DNAH7: variants seen among roughly 807,000 people sequenced by gnomAD.
DNAH7 encodes the protein axonemal beta dynein heavy chain 7.
Under a neutral mutation model 444.6 loss-of-function variants are expected in DNAH7, and 397 were observed. That is an observed-to-expected ratio of 0.89 (90% CI 0.82 to 0.97). The LOEUF (loss-of-function observed/expected upper bound fraction) is 0.97, where lower values mean the gene tolerates loss of function less well. DNAH7 is among the 50% of genes least tolerant of loss of function. The pLI is 0.00. For synonymous variants in DNAH7, 1,636 were observed against 1,624.4 expected (o/e 1.01, Z -0.17); for missense variants, 4,902 against 4,800.8 (o/e 1.02, Z -0.62).
intron 47 of DNAH7, among the ~76,000 whole-genome samples, chr2:195,842,673 G>A (rs201730179): frequency 2.6e-5 from 4 of 152,254 alleles, no homozygotes; most frequent in East Asian, 3.9e-4. Flanking sequence ...TAGTAAAGAT[G>A]TAGGGGTTAT....
At chr2:195,892,863 T>C (rs1005597870) in intron 30 of DNAH7, 11 of 151,602 alleles carry the variant, frequency 7.3e-5, no homozygotes, top group African/African-American at 2.7e-4. Context: ...CTTTCTAATA[T>C]TGCCTTCTGC....
At chr2:195,739,935 G>A (rs904836890) in intron 64 of DNAH7, among the ~76,000 whole-genome samples, 2 of 152,052 alleles carry the variant, frequency 1.3e-5, no homozygotes, top group East Asian at 1.9e-4. Flanking sequence ...TTTTGTTGGC[G>A]ATTTCACTGT....
At chr2:195,798,162 G>C (rs1016178364) in intron 55 of DNAH7, among the ~76,000 whole-genome samples, 2 of 151,946 alleles carry the variant, frequency 1.3e-5, no homozygotes, top group African/African-American at 4.8e-5. Flanking sequence ...TTTTGGCCTA[G>C]TAAATTTTTT....
At chr2:195,824,119 G>T (rs1697599171) in intron 49 of DNAH7, 136 bp downstream of exon 49, 2 of 692,990 alleles carry the variant, frequency 2.9e-6, no homozygotes, top group Admixed American at 6.8e-5. Context: ...AATTATTATA[G>T]CAATAATTTT....
intron 54 of DNAH7, among the ~76,000 whole-genome samples, chr2:195,799,997 G>C (rs1201287332): frequency 6.6e-6 from 1 of 152,158 alleles, no homozygotes; most frequent in Non-Finnish European, 1.5e-5. Context: ...AATTTTCTGG[G>C]AGCCTGTTTG....
intron 19 of DNAH7, among the ~76,000 whole-genome samples, chr2:195,949,902 G>A (rs536235198): frequency 1.6e-4 from 25 of 152,232 alleles, no homozygotes; most frequent in Admixed American, 9.2e-4. Flanking sequence ...GATGGATTAC[G>A]TTTACTGATT....
chr2:195,926,377 T>A, intron 22 of DNAH7, 49 bp downstream of exon 22: 2 of 1,421,224 alleles, frequency 1.4e-6, no homozygotes, highest in Non-Finnish European at 1.9e-6. Flanking sequence ...CTGGCAATAA[T>A]ACTATTGAAA....
intron 5 of DNAH7, among the ~76,000 whole-genome samples, chr2:196,036,579 T>A (rs73987675): frequency 0.044 from 6,702 of 152,116 alleles, 339 homozygotes; most frequent in African/African-American, 0.12. Context: ...AACAATGACC[T>A]TGCCCCCTCA....
chr2:195,926,434 C>T lies in DNAH7; in HGVS notation c.3604G>A (p.Gly1202Arg), dbSNP rs1200981502. 2 of 1,575,984 alleles carry T rather than the reference C, an allele frequency of 1.3e-6. No individual in the cohort carries two copies. Among genetic ancestry groups the T allele is most frequent in the Non-Finnish European group, 1.7e-6 (2 of 1,163,878 alleles). Residue 1202 changes from glycine (G) to arginine (R), a missense_variant, in exon 22 of 65, where the codon GGG becomes AGG. Transcript: ENST00000312428. ...TKEVQTAIPM[G>R]IKALEQYLKT... ...GGTTAATAAAACCTTACCTTTATCCCCATTGGAATAGCTGTTTGTACTTCT... is the reference window on the plus strand; with the variant it reads ...GGTTAATAAAACCTTACCTTTATCCTCATTGGAATAGCTGTTTGTACTTCT...
At chr2:195,900,590 G>T in intron 27 of DNAH7, 96 bp from the exon 28 acceptor site, 1 of 1,184,714 alleles carries the variant, frequency 8.4e-7, no homozygotes, top group Non-Finnish European at 1.2e-6. Context: ...ATATGTGGAG[G>T]CTAAAAAAGT....
chr2:195,873,581 G>A lies in DNAH7; in HGVS notation c.6400C>T (p.His2134Tyr). The A allele has an allele frequency of 7.3e-7, 1 of 1,370,486 alleles. No homozygotes were observed. Among genetic ancestry groups the A allele is most frequent in the Middle Eastern group, 1.9e-4 (1 of 5,238 alleles). 84.9% of individuals were successfully genotyped at this position (1,370,486 alleles called of 1,614,324 possible). A position where few individuals can be genotyped will look rare whatever the true frequency, so the allele number is the denominator to read the frequency against. Reference sequence around the variant, plus strand: ...TTGATTACTTACCAGATTTCTAAATGCCAAGTTAAGATTCTAGAGAAGATT... The same window carrying A: ...TTGATTACTTACCAGATTTCTAAATACCAAGTTAAGATTCTAGAGAAGATT... Reference protein sequence around the residue: ...YTIFSRILTWHLEICYKFPDE... With the variant: ...YTIFSRILTWYLEICYKFPDE... Residue 2134 changes from histidine to tyrosine, a missense_variant, in exon 39 of 65, where the codon CAT becomes TAT. His to Tyr is a moderately conservative substitution (Grantham distance 83). Coordinates refer to ENST00000312428, the MANE Select transcript of DNAH7 (RefSeq NM_018897.3).
chr2:195,995,254 T>C (rs1050182502), intron 12 of DNAH7: 2 of 429,638 alleles, frequency 4.7e-6, no homozygotes, highest in Admixed American at 2.6e-5. Context: ...ATGAGGGAGA[T>C]GCTTTGAATG....
chr2:195,749,151 C>T (rs1484516850), intron 63 of DNAH7, among the ~76,000 whole-genome samples: 2 of 152,044 alleles, frequency 1.3e-5, no homozygotes, highest in African/African-American at 2.4e-5. Flanking sequence ...AAAAAACAAC[C>T]CCATCAAAAA....
intron 15 of DNAH7, among the ~76,000 whole-genome samples, chr2:195,976,185 G>C (rs1692174768): frequency 6.6e-6 from 1 of 151,906 alleles, no homozygotes; most frequent in Non-Finnish European, 1.5e-5. Flanking sequence ...TCTTGGGCCA[G>C]AGGGGAGCCC....
At chr2:195,865,955 G>A (rs1469095149) in intron 40 of DNAH7, among the ~76,000 whole-genome samples, 4 of 152,126 alleles carry the variant, frequency 2.6e-5, no homozygotes, top group African/African-American at 9.7e-5. Flanking sequence ...ACAGAGACAA[G>A]GTGGCTTTAG....
chr2:195,862,609 C>G (rs920159271), intron 41 of DNAH7, among the ~76,000 whole-genome samples: 1 of 152,148 alleles, frequency 6.6e-6, no homozygotes, highest in South Asian at 2.1e-4. Flanking sequence ...CCCCACAGTT[C>G]CTGTGCTCCT....
chr2:195,753,987 C>G (rs764212948), intron 63 of DNAH7, among the ~76,000 whole-genome samples: 1 of 152,186 alleles, frequency 6.6e-6, no homozygotes, highest in Non-Finnish European at 1.5e-5. Flanking sequence ...GCTGATTATC[C>G]TATATGCTGT....
chr2:195,754,238 T>G, intron 63 of DNAH7, 99 bp downstream of exon 63: 1 of 1,264,284 alleles, frequency 7.9e-7, no homozygotes, highest in Non-Finnish European at 1.1e-6. Flanking sequence ...ATTACATTCA[T>G]GTTTATTACT....
chr2:196,058,447 G>A (rs988958806), intron 1 of DNAH7, among the ~76,000 whole-genome samples: 2 of 152,178 alleles, frequency 1.3e-5, no homozygotes, highest in African/African-American at 4.8e-5. Context: ...GACTCTCCCA[G>A]GCCTATCCCC....
Sources: allele counts gnomAD v4.1 joint callset (sites outside exome capture counted in the v4.1 genomes callset), GRCh38; gene constraint gnomAD v4.1.1; transcripts MANE v1.5; gene names NCBI Gene and HGNC (gene_info 2026-07-23, HGNC 2026-07-21).